VPS53: variants seen among roughly 807,000 people sequenced by gnomAD.
VPS53 encodes the protein vacuolar protein sorting-associated protein 53 homolog.
VPS53 carries 70 observed loss-of-function variants against 107.0 expected under a neutral mutation model. The observed-to-expected ratio is 0.65, with a 90% CI of 0.54 to 0.80. The LOEUF (loss-of-function observed/expected upper bound fraction) is 0.80, where lower values mean the gene tolerates loss of function less well. VPS53 is among the 30% of genes least tolerant of loss of function. The pLI is 0.00. For synonymous variants in VPS53, 409 were observed against 393.3 expected (o/e 1.04, Z -0.47); for missense variants, 917 against 1,049.4 (o/e 0.87, Z 1.74).
intron 12 of VPS53, among the ~76,000 whole-genome samples, chr17:588,459 A>AT (rs1489622453): frequency 1.3e-5 from 2 of 152,112 alleles, no homozygotes; most frequent in African/African-American, 2.4e-5. Context: ...CTTTAAAAAA[A>AT]TTTTTTTTTA....
chr17:539,924 G>A (rs1042560523), intron 17 of VPS53, among the ~76,000 whole-genome samples: 8 of 152,010 alleles, frequency 5.3e-5, no homozygotes, highest in African/African-American at 1.4e-4. Context: ...GGACAACCAC[G>A]TCTATCTAAA....
intron 9 of VPS53, among the ~76,000 whole-genome samples, chr17:627,640 G>A (rs1158986914): frequency 6.6e-6 from 1 of 152,098 alleles, no homozygotes; most frequent in African/African-American, 2.4e-5. Flanking sequence ...GCCTGGTGTG[G>A]TGACAGGCGC....
At chr17:688,829 G>A (rs918254609) in intron 4 of VPS53, among the ~76,000 whole-genome samples, 1 of 152,118 alleles carries the variant, frequency 6.6e-6, no homozygotes, top group Non-Finnish European at 1.5e-5. Flanking sequence ...CCGACTCCAG[G>A]GCTGCCCCAC....
At chr17:591,426 G>C (rs1289980418) in intron 12 of VPS53, among the ~76,000 whole-genome samples, 2 of 152,044 alleles carry the variant, frequency 1.3e-5, no homozygotes, top group African/African-American at 4.8e-5. Flanking sequence ...GCTAGCTTTT[G>C]AATGTGTTTG....
intron 13 of VPS53, among the ~76,000 whole-genome samples, chr17:581,250 G>A (rs1250386324): frequency 6.7e-6 from 1 of 148,524 alleles, no homozygotes; most frequent in Non-Finnish European, 1.5e-5. Flanking sequence ...ACTTCCCTCA[G>A]GATCTCAATT....
At position 688,125 on chromosome 17, in the gene VPS53, A is replaced by T. The variant is rs1010788196; in HGVS notation, c.285+9293T>A. Among the ~76,000 whole-genome samples the T allele has an allele frequency of 1.4e-4, 21 of 152,258 alleles. No homozygotes were observed. In the South Asian group the frequency reaches 4.4e-3, roughly 32 times the overall value. On this transcript the variant is annotated intron_variant, in intron 4 of 21. Transcript: ENST00000437048. ...ATGCCGCAGACATGTCTCCCTGCCA[A>T]AAAAGCGCTATCAAGGTGATATGAT...
intron 6 of VPS53, among the ~76,000 whole-genome samples, chr17:655,047 C>T (rs1971130452): frequency 6.6e-6 from 1 of 152,188 alleles, no homozygotes; most frequent in Non-Finnish European, 1.5e-5. Context: ...AAGGCACTCT[C>T]CCACTTCCCC....
intron 13 of VPS53, among the ~76,000 whole-genome samples, chr17:568,643 G>T (rs996041554): frequency 1.6e-4 from 24 of 152,182 alleles, no homozygotes; most frequent in African/African-American, 5.5e-4. Context: ...TGGCCAGTGG[G>T]GCTGGGGAGC....
rs769405460 is a variant in VPS53, at chr17:560,396, G to A, written c.1704+30C>T. 13 of 1,600,668 alleles carry A rather than the reference G, an allele frequency of 8.1e-6. No individual in the cohort carries two copies. The African/African-American group carries it at 1.1e-4, about 13-fold the overall frequency. On this transcript the variant is annotated intron_variant, in intron 15 of 21. Coordinates refer to ENST00000437048, the MANE Select transcript of VPS53 (RefSeq NM_001128159.3). The stretch of plus-strand genomic sequence containing the variant: ...CAGCCCAGAGGGTTCAGGAAAAGGA[G>A]GTGGTGAGTGGGCAGCCAGGATGGC...
chr17:524,642 T>C lies in VPS53; in HGVS notation c.2086-2904A>G, dbSNP rs914641828. ...ATGAAATGACACGCAACCTGGTTAGTAACTGGGAAATGCAAATTAAAACCA... is the reference window on the plus strand; with the variant it reads ...ATGAAATGACACGCAACCTGGTTAGCAACTGGGAAATGCAAATTAAAACCA... On this transcript the variant is annotated intron_variant, in intron 19 of 21. Transcript: ENST00000437048. The surrounding 1 kb of genome is among the most constrained non-coding windows in gnomAD (Gnocchi z 4.5). Among the ~76,000 whole-genome samples the C allele has an allele frequency of 5.9e-5, 9 of 152,200 alleles. No individual in the cohort carries two copies. The highest frequency in any genetic ancestry group is 2.2e-4 in the African/African-American group (9 of 41,450).
chr17:601,261 AG>A (rs1401380893), intron 12 of VPS53, among the ~76,000 whole-genome samples: 30 of 152,386 alleles, frequency 2.0e-4, no homozygotes, highest in African/African-American at 7.0e-4. Flanking sequence ...AGACTTGGAC[AG>A]AAAAATCCAA....
rs1390771315 is a variant in VPS53, at chr17:585,390, C to T, written c.1313+880G>A. ...CTTGAGGAATGGCTGGGCAAGGTGG[C>T]TCATGCCTGTAATTCCAGCACTTTG... On this transcript the variant is annotated intron_variant, in intron 13 of 21. Coordinates refer to ENST00000437048, the MANE Select transcript of VPS53 (RefSeq NM_001128159.3). 2.0e-5 allele frequency among the ~76,000 whole-genome samples: 3 copies of T among 152,216 alleles called. No homozygotes were observed. In the East Asian group the frequency reaches 5.8e-4, roughly 29 times the overall value.
intron 17 of VPS53, chr17:539,072 C>T (rs937675537): frequency 6.6e-6 from 1 of 152,252 alleles, no homozygotes; most frequent in Admixed American, 6.5e-5. Context: ...ACACAGCGAA[C>T]TGGGAGGGCT....
At chr17:710,330 T>C (rs1179872218) in intron 2 of VPS53, among the ~76,000 whole-genome samples, 2 of 152,160 alleles carry the variant, frequency 1.3e-5, no homozygotes. Context: ...AGTACAATTA[T>C]TAATAATATG....
intron 7 of VPS53, among the ~76,000 whole-genome samples, chr17:638,950 T>A (rs1334220034): frequency 6.6e-6 from 1 of 152,172 alleles, no homozygotes; most frequent in African/African-American, 2.4e-5. Flanking sequence ...TTTCCTGAAT[T>A]TGAATGTTGG....
At position 712,177 on chromosome 17, in the gene VPS53, C is replaced by CTTTTTTT. The variant is rs35522489; in HGVS notation, c.88-1571_88-1565dup. ...TTTTCATGTCTAGAGTGACTTTCGCCTTTTTTTTTTTTTTTTTTTTCGAGA... is the reference window on the plus strand; with the variant it reads ...TTTTCATGTCTAGAGTGACTTTCGCCTTTTTTTTTTTTTTTTTTTTTTTTTTTCGAGA... On this transcript the variant is annotated intron_variant, in intron 1 of 21. Transcript: ENST00000437048. Among the ~76,000 whole-genome samples, 2 of 98,466 alleles carry CTTTTTTT rather than the reference C, an allele frequency of 2.0e-5. 1 individual carries two copies. Among genetic ancestry groups the CTTTTTTT allele is most frequent in the African/African-American group, 8.8e-5 (2 of 22,746 alleles). 64.6% of individuals were successfully genotyped at this position (98,466 alleles called of 152,430 possible).
chr17:555,748 TACAAA>T (rs1912286117), intron 15 of VPS53, among the ~76,000 whole-genome samples: 1 of 152,216 alleles, frequency 6.6e-6, no homozygotes, highest in African/African-American at 2.4e-5. Context: ...ATGACAGACG[TACAAA>T]ACATCATTAT....
chr17:596,710 T>C (rs773995333), intron 12 of VPS53, among the ~76,000 whole-genome samples: 12 of 152,202 alleles, frequency 7.9e-5, no homozygotes, highest in South Asian at 2.1e-4. Context: ...GTTTAGATAG[T>C]AGGTGCTGGA....
intron 7 of VPS53, among the ~76,000 whole-genome samples, chr17:635,542 A>G (rs942525826): frequency 8.2e-4 from 125 of 152,318 alleles, no homozygotes; most frequent in Non-Finnish European, 1.3e-3. Context: ...CTAACATTTA[A>G]GTCTTTAATC....
Sources: allele counts gnomAD v4.1 joint callset (sites outside exome capture counted in the v4.1 genomes callset), GRCh38; gene constraint gnomAD v4.1.1; non-coding constraint Gnocchi (gnomAD v3.1); transcripts MANE v1.5; gene names NCBI Gene and HGNC (gene_info 2026-07-23, HGNC 2026-07-21).